Variants in PINX1 observed in about 807,000 individuals in gnomAD.
PINX1 encodes PIN2 (TERF1) interacting telomerase inhibitor 1, also known as PIN2/TERF1-interacting telomerase inhibitor 1.
In PINX1, 34 loss-of-function variants were observed where a neutral mutation model predicts 25.4. The ratio of observed to expected loss-of-function variants is 1.34; its 90% CI spans 1.02 to 1.78. The LOEUF (loss-of-function observed/expected upper bound fraction) is 1.78, where lower values mean the gene tolerates loss of function less well. Among genes scored for constraint, PINX1 ranks in the 40% most tolerant of loss-of-function variants. The pLI, the probability that PINX1 is intolerant of heterozygous loss-of-function variation, is 0.00. For missense variants in PINX1, 592 were observed against 404.9 expected, an observed-to-expected ratio of 1.46 and a Z score of -3.97; for synonymous variants, 197 against 147.7, an observed-to-expected ratio of 1.33 and a Z score of -2.42.
At chr8:10,783,245 T>C (rs10113343) in intron 6 of PINX1, among the ~76,000 whole-genome samples, 56,504 of 152,066 alleles carry the variant, frequency 0.37, 11,255 homozygotes, top group Non-Finnish European at 0.45. Flanking sequence ...ACTGGAGTTA[T>C]ACATTTTAAA....
intron 6 of PINX1, among the ~76,000 whole-genome samples, chr8:10,786,637 C>A (rs1480962428): frequency 1.3e-5 from 2 of 152,130 alleles, no homozygotes; most frequent in African/African-American, 4.8e-5. Flanking sequence ...AAGACTCTGC[C>A]CCCTCCAAAG....
chr8:10,787,532 T>G (rs1175572553), intron 6 of PINX1: 1 of 199,048 alleles, frequency 5.0e-6, no homozygotes, highest in African/African-American at 2.4e-5. Context: ...GGCTGACATA[T>G]CTTCTATTTG....
At chr8:10,802,082 T>G (rs983605209) in intron 6 of PINX1, among the ~76,000 whole-genome samples, 5 of 151,612 alleles carry the variant, frequency 3.3e-5, no homozygotes, top group Non-Finnish European at 7.4e-5. Flanking sequence ...AGGGCCCAAA[T>G]GATTCAAAGA....
intron 6 of PINX1, among the ~76,000 whole-genome samples, chr8:10,814,393 C>G (rs554470060): frequency 6.6e-6 from 1 of 152,246 alleles, no homozygotes; most frequent in African/African-American, 2.4e-5. Context: ...GGAGGAAATA[C>G]GAAGCACCAA....
chr8:10,765,856 T>C lies in PINX1; in HGVS notation c.532A>G (p.Ile178Val), dbSNP rs1430989960. 1 of 1,613,964 alleles carries C rather than the reference T, an allele frequency of 6.2e-7. No individual in the cohort carries two copies. Among genetic ancestry groups the C allele is most frequent in the Non-Finnish European group, 8.5e-7 (1 of 1,179,880 alleles). ...ATCCGCTTGGCAAAGTACTCCTGGA[T>C]GGTGAAGGCGCTGGTTGTCGTGGTT... ...NETTTTSAFT[I>V]QEYFAKRMAA... Residue 178 changes from isoleucine (I) to valine (V), a missense_variant, in exon 7 of 7, where the codon ATC (isoleucine) becomes GTC (valine). Coordinates refer to ENST00000314787, the MANE Select transcript of PINX1 (RefSeq NM_017884.6).
rs560737624 is a variant in PINX1, at chr8:10,794,624, A to G, written c.471+25569T>C. ...GTATTTTTAGTAGAGACGGGGTTTC[A>G]CCATGTTGACCAGGCTGATCTCGAA... On this transcript the variant is annotated intron_variant, in intron 6 of 6. Coordinates refer to ENST00000314787, the MANE Select transcript of PINX1 (RefSeq NM_017884.6). Among the ~76,000 whole-genome samples, 175 of 152,124 alleles carry G rather than the reference A, an allele frequency of 1.2e-3. 1 individual carries two copies. The highest frequency in any genetic ancestry group is 4.0e-3 in the African/African-American group (166 of 41,508).
Position 10,798,195 on chromosome 8 carries a change from C to A in PINX1, c.471+21998G>T, listed in dbSNP as rs138062833. On this transcript the variant is annotated intron_variant, in intron 6 of 6. Coordinates refer to ENST00000314787, the MANE Select transcript of PINX1 (RefSeq NM_017884.6). Reference sequence around the variant, plus strand: ...CATTTTTGAAAACTTAACTGCATTTCTTTTAGAGTCCATGTGGCCTGGGTA... The same window carrying A: ...CATTTTTGAAAACTTAACTGCATTTATTTTAGAGTCCATGTGGCCTGGGTA... 2.5e-4 allele frequency among the ~76,000 whole-genome samples: 38 copies of A among 152,302 alleles called. No homozygotes were observed. In the East Asian group the frequency reaches 6.7e-3, roughly 27 times the overall value.
chr8:10,814,626 G>A (rs1482765160), intron 6 of PINX1, among the ~76,000 whole-genome samples: 5 of 152,240 alleles, frequency 3.3e-5, no homozygotes, highest in African/African-American at 1.2e-4. Context: ...GGCGTAGAAT[G>A]TAGATTATGA....
chr8:10,796,063 A>T (rs1392362988), intron 6 of PINX1, among the ~76,000 whole-genome samples: 1 of 152,196 alleles, frequency 6.6e-6, no homozygotes, highest in Non-Finnish European at 1.5e-5. Context: ...CAAGTGGTGA[A>T]AGAGCTTAGA....
intron 4 of PINX1, among the ~76,000 whole-genome samples, chr8:10,829,338 T>G (rs1019939538): frequency 6.6e-6 from 1 of 151,678 alleles, no homozygotes; most frequent in African/African-American, 2.4e-5. Flanking sequence ...AGATTCTTTA[T>G]GAAATCCTTC....
chr8:10,801,944 T>C (rs1586169972), intron 6 of PINX1, among the ~76,000 whole-genome samples: 1 of 152,048 alleles, frequency 6.6e-6, no homozygotes, highest in Non-Finnish European at 1.5e-5. Context: ...CAAGCACCAC[T>C]GGAATGCAGC....
chr8:10,828,263 G>A (rs749559670), intron 4 of PINX1, among the ~76,000 whole-genome samples: 4 of 152,176 alleles, frequency 2.6e-5, no homozygotes, highest in Non-Finnish European at 4.4e-5. Flanking sequence ...CTTCTCTTTT[G>A]CACTTCATAT....
chr8:10,791,148 G>A (rs562136657), intron 6 of PINX1, among the ~76,000 whole-genome samples: 15 of 152,132 alleles, frequency 9.9e-5, no homozygotes, highest in African/African-American at 2.9e-4. Context: ...TCCTGACCTC[G>A]TGATCTGCCT....
intron 6 of PINX1, among the ~76,000 whole-genome samples, chr8:10,800,899 T>C (rs570304874): frequency 3.9e-5 from 6 of 152,216 alleles, no homozygotes; most frequent in Non-Finnish European, 8.8e-5. Context: ...ACCCAAATAC[T>C]GAAGCATGCA....
At chr8:10,775,847 T>G (rs1409216830) in intron 6 of PINX1, among the ~76,000 whole-genome samples, 1 of 152,110 alleles carries the variant, frequency 6.6e-6, no homozygotes, top group African/African-American at 2.4e-5. Flanking sequence ...TTCAACATAG[T>G]TTTTTCACAT....
intron 6 of PINX1, among the ~76,000 whole-genome samples, chr8:10,791,365 C>A (rs571329522): frequency 1.3e-5 from 2 of 152,302 alleles, no homozygotes; most frequent in Admixed American, 1.3e-4. Context: ...TGGAAGCACA[C>A]ATCGCAAATG....
chr8:10,765,707 G>C lies in PINX1; in HGVS notation c.681C>G (p.Tyr227Ter). The change falls in exon 7 of 7, where the codon TAC (tyrosine) becomes TAG (stop). Residue 227 changes from tyrosine to a stop codon, truncating the protein, a stop_gained. Transcript: ENST00000314787. LOFTEE classifies it low-confidence loss of function (END_TRUNC). ...TGTGCCTCTTGGCCTTAGGCTGGAG[G>C]TAACTTTCCACATCTTTACCTGTGG... The part of the protein sequence containing the change: ...KEATGKDVES[Y>*]LQPKAKRHTE... The C allele has an allele frequency of 4.3e-6, 7 of 1,614,012 alleles. No homozygotes were observed. The highest frequency in any genetic ancestry group is 5.9e-6 in the Non-Finnish European group (7 of 1,179,886).
At chr8:10,767,609 G>C (rs1439544089) in intron 6 of PINX1, among the ~76,000 whole-genome samples, 1 of 152,218 alleles carries the variant, frequency 6.6e-6, no homozygotes, top group Non-Finnish European at 1.5e-5. Flanking sequence ...TGTTGAAAAA[G>C]AGCTGAAATG....
intron 6 of PINX1, among the ~76,000 whole-genome samples, chr8:10,791,942 A>C (rs1205132011): frequency 6.6e-6 from 1 of 152,130 alleles, no homozygotes; most frequent in Non-Finnish European, 1.5e-5. Flanking sequence ...AACATGCCCC[A>C]TCTCAGTCTC....
Sources: allele counts gnomAD v4.1 joint callset (sites outside exome capture counted in the v4.1 genomes callset), GRCh38; gene constraint gnomAD v4.1.1; transcripts MANE v1.5; gene names NCBI Gene and HGNC (gene_info 2026-07-23, HGNC 2026-07-21).